Variants in FAAH2 observed in about 807,000 individuals in gnomAD.
FAAH2 encodes the protein fatty acid amide hydrolase 2.
A neutral mutation model predicts 36.9 loss-of-function variants in FAAH2; 60 were observed. That is an observed-to-expected ratio of 1.63 (90% confidence interval 1.32 to 2.02). The LOEUF (loss-of-function observed/expected upper bound fraction) is 2.02, where lower values mean the gene tolerates loss of function less well. FAAH2 is among the 30% of genes most tolerant of loss of function. The pLI, the probability that FAAH2 is intolerant of heterozygous loss-of-function variation, is 0.00. For synonymous variants in FAAH2, 214 were observed against 143.8 expected (o/e 1.49, Z -3.49); for missense variants, 689 against 397.5 (o/e 1.73, Z -6.23).
the FAAH2 span, among the ~76,000 whole-genome samples, chrX:57,155,965 G>C: frequency 1.5e-4 from 17 of 112,293 alleles, no homozygotes; most frequent in African/African-American, 4.9e-4. Flanking sequence ...GTAAGGGTAT[G>C]TGTTCAGGGG....
intron 7 of FAAH2, among the ~76,000 whole-genome samples, chrX:57,399,155 A>G (rs11091649): frequency 0.39 from 42,478 of 110,300 alleles, 6,860 homozygotes; most frequent in Middle Eastern, 0.63. Context: ...GACAAACTTA[A>G]CAAGGAGGTT....
At chrX:57,199,755 G>T in the FAAH2 span, among the ~76,000 whole-genome samples, 1 of 111,110 alleles carries the variant, frequency 9.0e-6, no homozygotes. Context: ...TTTATATCTA[G>T]GTGCTCCAGC....
At chrX:57,265,491 T>C in the FAAH2 span, among the ~76,000 whole-genome samples, 2 of 111,706 alleles carry the variant, frequency 1.8e-5, no homozygotes, top group African/African-American at 6.5e-5. Flanking sequence ...CTTAGCCATA[T>C]GGCCTTCAGG....
chrX:57,408,651 G>A (rs1046304345), intron 7 of FAAH2, among the ~76,000 whole-genome samples: 5 of 110,312 alleles, frequency 4.5e-5, no homozygotes, highest in African/African-American at 1.6e-4. Context: ...TTCCTTATGA[G>A]GAAAAGCTCT....
chrX:57,261,136 A>G, the FAAH2 span, among the ~76,000 whole-genome samples: 2 of 111,889 alleles, frequency 1.8e-5, no homozygotes, highest in Non-Finnish European at 3.8e-5. Flanking sequence ...AGCCACACAA[A>G]TGTCCATCAA....
At chrX:57,482,852 T>C (rs2057405897) in intron 10 of FAAH2, among the ~76,000 whole-genome samples, 1 of 109,254 alleles carries the variant, frequency 9.2e-6, no homozygotes, top group African/African-American at 3.3e-5. Flanking sequence ...CTCTTCTGAG[T>C]TTTGGGATTT....
chrX:57,427,626 A>G (rs1052848783), intron 7 of FAAH2, among the ~76,000 whole-genome samples: 1 of 111,896 alleles, frequency 8.9e-6, no homozygotes, highest in Non-Finnish European at 1.9e-5. Context: ...AAAGTAATTC[A>G]CCACATAAAC....
At position 57,478,958 on chromosome X, in the gene FAAH2, C is replaced by T. The variant is rs189026567; in HGVS notation, c.1424-9799C>T. On this transcript the variant is annotated intron_variant, in intron 10 of 10. Transcript: ENST00000374900. The stretch of plus-strand genomic sequence containing the variant: ...CTTTGTTCTTTTGGCTTAGGATTGA[C>T]TTGGCAATGTGGGCTCTTTTTTGGT... 9.9e-5 allele frequency among the ~76,000 whole-genome samples: 11 copies of T among 111,596 alleles called. No individual in the cohort carries two copies. In the East Asian group the frequency reaches 2.5e-3, roughly 26 times the overall value.
chrX:57,281,611 A>T, the FAAH2 span, among the ~76,000 whole-genome samples: 3 of 111,384 alleles, frequency 2.7e-5, no homozygotes, highest in African/African-American at 9.8e-5. Context: ...TATAGGTTTG[A>T]TATATTGGTA....
At chrX:57,176,053 G>A in the FAAH2 span, among the ~76,000 whole-genome samples, 1 of 110,974 alleles carries the variant, frequency 9.0e-6, no homozygotes, top group Non-Finnish European at 1.9e-5. Flanking sequence ...GTGTGCTTTG[G>A]TGATGTCCTT....
chrX:57,157,330 C>T, the FAAH2 span, among the ~76,000 whole-genome samples: 6 of 111,809 alleles, frequency 5.4e-5, no homozygotes, highest in Non-Finnish European at 9.4e-5. Context: ...CTGGTTACCA[C>T]TCAAATTTTC....
the FAAH2 span, among the ~76,000 whole-genome samples, chrX:57,237,414 G>C: frequency 2.7e-5 from 3 of 110,715 alleles, no homozygotes; most frequent in Non-Finnish European, 5.7e-5. Flanking sequence ...AACAAGATGA[G>C]TGATTCTAGA....
chrX:57,150,032 A>G, the FAAH2 span, among the ~76,000 whole-genome samples: 1 of 112,126 alleles, frequency 8.9e-6, no homozygotes, highest in Admixed American at 9.5e-5. Context: ...GTAGTCATTC[A>G]GGAGCAGGTT....
chrX:57,231,097 G>A, the FAAH2 span, among the ~76,000 whole-genome samples: 6 of 104,113 alleles, frequency 5.8e-5, no homozygotes, highest in African/African-American at 2.1e-4. Flanking sequence ...GGGTTTCTGA[G>A]GTCAGTAGAA....
the FAAH2 span, among the ~76,000 whole-genome samples, chrX:57,274,492 T>C: frequency 6.2e-5 from 7 of 112,241 alleles, no homozygotes; most frequent in African/African-American, 2.3e-4. Context: ...TAAATATCGA[T>C]GTGACAATGC....
Position 57,427,096 on chromosome X carries a change from A to G in FAAH2, c.997-4822A>G, listed in dbSNP as rs183955248. ...TATCACAAAAATAAGATAACTAGAG[A>G]GTAGCATGAACAACTCTATGCTAAT... On this transcript the variant is annotated intron_variant, in intron 7 of 10. Coordinates refer to ENST00000374900, the MANE Select transcript of FAAH2 (RefSeq NM_174912.4). 4.7e-4 allele frequency among the ~76,000 whole-genome samples: 52 copies of G among 111,359 alleles called. No homozygotes were observed. The East Asian group carries it at 0.014, about 30-fold the overall frequency.
Position 57,286,868 on chromosome X carries a change from C to G in FAAH2, c.43C>G (p.Arg15Gly), listed in dbSNP as rs779489870. The change falls in exon 1 of 11, where the codon CGG becomes GGG. Residue 15 changes from arginine (R) to glycine (G), a missense_variant. Coordinates refer to ENST00000374900, the MANE Select transcript of FAAH2 (RefSeq NM_174912.4). ...FTARIQLFLL[R>G]ALGFLIGLVG... ...CGCCCGCATTCAGTTGTTCCTCTTG[C>G]GGGCGCTAGGCTTTCTCATAGGCTT... 13 of 1,189,083 alleles carry G rather than the reference C, an allele frequency of 1.1e-5. No individual in the cohort carries two copies. Among genetic ancestry groups the G allele is most frequent in the Non-Finnish European group, 1.5e-5 (13 of 885,654 alleles).
the FAAH2 span, among the ~76,000 whole-genome samples, chrX:57,210,185 T>A: frequency 9.0e-6 from 1 of 111,577 alleles, no homozygotes; most frequent in Non-Finnish European, 1.9e-5. Flanking sequence ...TTGTAGTTGT[T>A]ACATTTGTGT....
chrX:57,186,722 C>A, the FAAH2 span, among the ~76,000 whole-genome samples: 1 of 111,985 alleles, frequency 8.9e-6, no homozygotes, highest in African/African-American at 3.2e-5. Context: ...TTTAAACCAT[C>A]TTGAGTTAAT....
Sources: allele counts gnomAD v4.1 joint callset (sites outside exome capture counted in the v4.1 genomes callset), GRCh38; gene constraint gnomAD v4.1.1; transcripts MANE v1.5; gene names NCBI Gene and HGNC (gene_info 2026-07-23, HGNC 2026-07-21).